PCLO: variants seen among roughly 807,000 people sequenced by gnomAD.
PCLO encodes the protein piccolo presynaptic cytomatrix protein.
PCLO carries 82 observed loss-of-function variants against 427.5 expected under a neutral mutation model. The ratio of observed to expected loss-of-function variants is 0.19; its 90% CI spans 0.16 to 0.23. The LOEUF is 0.23. PCLO is among the 10% of genes least tolerant of loss of function. The pLI is 1.00. For missense variants in PCLO, 6,239 were observed against 6,115.9 expected (o/e 1.02, Z -0.67); for synonymous variants, 2,357 against 2,155.4 (o/e 1.09, Z -2.59).
intron 3 of PCLO, among the ~76,000 whole-genome samples, chr7:83,116,963 A>C (rs1480757545): frequency 6.6e-6 from 1 of 152,212 alleles, no homozygotes; most frequent in Admixed American, 6.5e-5. Flanking sequence ...ATGAATGAAT[A>C]AAGAAAATGT....
chr7:82,857,697 A>C (rs765993127), intron 10 of PCLO, among the ~76,000 whole-genome samples: 15 of 152,164 alleles, frequency 9.9e-5, no homozygotes, highest in Non-Finnish European at 1.3e-4. Flanking sequence ...AATGAGATAA[A>C]ATGGAAATCA....
Position 82,915,620 on chromosome 7 carries a change from C to T in PCLO, c.12366G>A (p.Lys4122=). The change falls in exon 7 of 25, where the codon AAG becomes AAA. Residue 4122 remains lysine (K), a synonymous_variant. Transcript: ENST00000333891. Reference sequence around the variant, plus strand: ...CCTGTTTAATCTGATGTTTCAGAAGCTTTAACTCGTAAGGATCCTCCATTG... The same window carrying T: ...CCTGTTTAATCTGATGTTTCAGAAGTTTTAACTCGTAAGGATCCTCCATTG... ...EDPMEDPYEL[K]LLKHQIKQEF... is the part of the protein sequence containing the mutation. 6.2e-7 allele frequency: 1 copy of T among 1,613,512 alleles called. No individual in the cohort carries two copies. The highest frequency in any genetic ancestry group is 2.2e-5 in the East Asian group (1 of 44,790).
rs1316580219 is a variant in PCLO, at chr7:82,914,767, C to T, written c.13219G>A (p.Glu4407Lys). The change falls in exon 7 of 25, where the codon GAA becomes AAA. Residue 4407 changes from glutamate to lysine, a missense_variant. By Grantham distance (56) the Glu-to-Lys change is moderately conservative. This residue lies in a region of PCLO where 877 missense variants were observed against 925.5 expected (regional missense o/e 0.95). Coordinates refer to ENST00000333891, the MANE Select transcript of PCLO (RefSeq NM_033026.6). ...SLPEVQQHMR[E>K]ESRTRGYDRD... ...TCATAGCCTCGAGTCCGTGATTCTT[C>T]CCTCATGTGTTGCTGAACTTCAGGC... is the stretch of plus-strand genomic sequence containing the variant. 6 of 1,613,288 alleles carry T rather than the reference C, an allele frequency of 3.7e-6. No homozygotes were observed. Among genetic ancestry groups the T allele is most frequent in the Non-Finnish European group, 5.1e-6 (6 of 1,179,668 alleles).
intron 10 of PCLO, among the ~76,000 whole-genome samples, chr7:82,871,029 C>A (rs1172585698): frequency 1.3e-5 from 2 of 151,902 alleles, no homozygotes; most frequent in Non-Finnish European, 2.9e-5. Flanking sequence ...ATTAGTCCAA[C>A]CACTATAAAA....
intron 3 of PCLO, among the ~76,000 whole-genome samples, chr7:83,080,793 A>C (rs1461061081): frequency 2.0e-5 from 3 of 151,946 alleles, no homozygotes; most frequent in African/African-American, 4.8e-5. Context: ...TACTTTCAAG[A>C]CTCCCAGTGG....
At chr7:82,901,201 T>G (rs1431430081) in intron 9 of PCLO, among the ~76,000 whole-genome samples, 1 of 151,900 alleles carries the variant, frequency 6.6e-6, no homozygotes, top group Non-Finnish European at 1.5e-5. Context: ...GATCATGTCA[T>G]CAATGTCTTT....
At chr7:83,152,116 C>T (rs979596163) in intron 2 of PCLO, among the ~76,000 whole-genome samples, 2 of 151,984 alleles carry the variant, frequency 1.3e-5, no homozygotes, top group Non-Finnish European at 2.9e-5. Context: ...AAGCGCCCGC[C>T]ACCACGCCCG....
At position 82,952,012 on chromosome 7, in the gene PCLO, G is replaced by C. The variant is rs1416855750; in HGVS notation, c.8941C>G (p.Pro2981Ala). The C allele has an allele frequency of 6.2e-7, 1 of 1,613,818 alleles. No homozygotes were observed. Among genetic ancestry groups the C allele is most frequent in the Non-Finnish European group, 8.5e-7 (1 of 1,179,826 alleles). Residue 2981 changes from proline to alanine, a missense_variant, in exon 5 of 25, where the codon CCA becomes GCA. Around this residue, in one of 5 missense-constraint regions of PCLO, gnomAD observed 4,677 missense variants for 4,468.4 expected, o/e 1.05. Coordinates refer to ENST00000333891, the MANE Select transcript of PCLO (RefSeq NM_033026.6). Reference sequence around the variant, plus strand: ...CCCCCAATCCCTCTATAACCATATGGCCCTGATCGATCATACTGATAGTGG... The same window carrying C: ...CCCCCAATCCCTCTATAACCATATGCCCCTGATCGATCATACTGATAGTGG... ...DDHYQYDRSG[P>A]YGYRGIGGMK...
At chr7:82,839,516 T>C (rs547744090) in intron 14 of PCLO, among the ~76,000 whole-genome samples, 4 of 152,206 alleles carry the variant, frequency 2.6e-5, no homozygotes, top group African/African-American at 9.6e-5. Context: ...ATGCAGCAAC[T>C]GTATGCTATA....
intron 3 of PCLO, among the ~76,000 whole-genome samples, chr7:83,007,193 G>C (rs1339361727): frequency 6.6e-6 from 1 of 151,270 alleles, no homozygotes; most frequent in African/African-American, 2.4e-5. Flanking sequence ...TTCTCCAACA[G>C]AAAAACAGTC....
intron 6 of PCLO, among the ~76,000 whole-genome samples, chr7:82,926,264 T>A (rs912593139): frequency 3.9e-5 from 6 of 152,136 alleles, no homozygotes; most frequent in South Asian, 4.1e-4. Flanking sequence ...AGTAGCAGTA[T>A]CATCACTATG....
chr7:82,943,459 T>A (rs868746910), intron 6 of PCLO, among the ~76,000 whole-genome samples: 28 of 151,480 alleles, frequency 1.8e-4, no homozygotes, highest in African/African-American at 6.8e-4. Flanking sequence ...TACAAACTAA[T>A]TTTTTTGATA....
intron 3 of PCLO, among the ~76,000 whole-genome samples, chr7:83,040,341 C>T (rs1290908010): frequency 6.6e-6 from 1 of 152,114 alleles, no homozygotes; most frequent in Non-Finnish European, 1.5e-5. Flanking sequence ...GGCTGATAGT[C>T]ACCTTGGGAT....
At chr7:83,158,918 CG>C (rs749447902) in intron 1 of PCLO, among the ~76,000 whole-genome samples, 4 of 151,886 alleles carry the variant, frequency 2.6e-5, no homozygotes, top group Non-Finnish European at 4.4e-5. Context: ...CAAACAAAAA[CG>C]TAAAGGTGCT....
intron 3 of PCLO, among the ~76,000 whole-genome samples, chr7:82,974,225 G>C (rs935969736): frequency 6.6e-6 from 1 of 152,034 alleles, no homozygotes; most frequent in African/African-American, 2.4e-5. Context: ...CATTTCTACT[G>C]AATGTACAAA....
At chr7:82,896,898 C>T (rs1474024806) in intron 9 of PCLO, among the ~76,000 whole-genome samples, 1 of 151,624 alleles carries the variant, frequency 6.6e-6, no homozygotes, top group Non-Finnish European at 1.5e-5. Context: ...TCTAGCCTTG[C>T]AGATGTAGCC....
At chr7:83,009,150 T>C (rs911029483) in intron 3 of PCLO, among the ~76,000 whole-genome samples, 2 of 151,834 alleles carry the variant, frequency 1.3e-5, no homozygotes, top group South Asian at 4.1e-4. Context: ...CTACTGGTTC[T>C]TTCTTGTCTC....
intron 1 of PCLO, among the ~76,000 whole-genome samples, chr7:83,161,463 A>G (rs1189502407): frequency 1.3e-5 from 2 of 152,236 alleles, no homozygotes; most frequent in African/African-American, 2.4e-5. Context: ...TACCCCTCTC[A>G]GTACTCTAAT....
intron 3 of PCLO, among the ~76,000 whole-genome samples, chr7:82,967,799 T>C (rs920670724): frequency 1.3e-5 from 2 of 152,202 alleles, no homozygotes; most frequent in African/African-American, 4.8e-5. Flanking sequence ...TCTATTCTAA[T>C]GTTAAAAAGT....
Sources: gnomAD v4.1 joint callset for allele counts (sites outside exome capture counted in the v4.1 genomes callset) on GRCh38, gnomAD v4.1.1 for gene constraint, gnomAD v4.1.1 regional missense constraint, MANE v1.5 for transcripts, NCBI Gene and HGNC (gene_info 2026-07-23, HGNC 2026-07-21) for gene names.